Variants in SYNE3 observed in about 807,000 individuals in gnomAD.
SYNE3 encodes spectrin repeat containing nuclear envelope family member 3.
SYNE3 carries 100 observed loss-of-function variants against 111.2 expected under a neutral mutation model. The ratio of observed to expected loss-of-function variants is 0.90; its 90% CI spans 0.77 to 1.06. The LOEUF (loss-of-function observed/expected upper bound fraction) is 1.06, where lower values mean the gene tolerates loss of function less well. Ranked by LOEUF, SYNE3 falls within the 50% of genes least tolerant of loss-of-function variation. SYNE3 has a pLI of 0.00. For missense variants in SYNE3, 1,160 were observed against 1,240.3 expected (o/e 0.94, Z 0.97); for synonymous variants, 547 against 533.9 (o/e 1.02, Z -0.34).
rs1886281361 is a variant in SYNE3, at chr14:95,439,436, C to T, written c.2246+176G>A. On this transcript the variant is annotated intron_variant, in intron 13 of 17. Coordinates refer to ENST00000682763, the MANE Select transcript of SYNE3 (RefSeq NM_152592.6). ...CTAACTCCCAAGACGGGGACATTTC[C>T]TGGCTCCTCCTGCTCCTGCTAGAAT... Among the ~76,000 whole-genome samples, 3 of 152,352 alleles carry T rather than the reference C, an allele frequency of 2.0e-5. No homozygotes were observed. The South Asian group carries it at 6.2e-4, about 32-fold the overall frequency.
chr14:95,419,547 C>A (rs1884955583), intron 17 of SYNE3, among the ~76,000 whole-genome samples: 1 of 152,000 alleles, frequency 6.6e-6, no homozygotes. Context: ...TAGAATATAT[C>A]TGCTGGCTCC....
In SYNE3 at chr14:95,411,886, T is replaced by C. The variant is rs4905298; in HGVS notation, c.*5940A>G. ...ACACGCCAACCCAGATGATCCCCAGTGGGGAAAAGTGGGCTTCTCAGTTTG... is the reference window on the plus strand; with the variant it reads ...ACACGCCAACCCAGATGATCCCCAGCGGGGAAAAGTGGGCTTCTCAGTTTG... On this transcript the variant is annotated 3_prime_UTR_variant, in exon 18 of 18. Transcript: ENST00000682763. 0.32 allele frequency: 48,147 copies of C among 152,294 alleles called. 7,897 individuals are homozygous for C. The highest frequency in any genetic ancestry group is 0.37 in the Non-Finnish European group (25,508 of 68,044). 9.4% of individuals were successfully genotyped at this position (152,294 alleles called of 1,614,324 possible). A position where few individuals can be genotyped will look rare whatever the true frequency, so the allele number is the denominator to read the frequency against.
chr14:95,472,248 G>A (rs746897425), intron 2 of SYNE3, among the ~76,000 whole-genome samples: 15 of 152,244 alleles, frequency 9.9e-5, no homozygotes, highest in Non-Finnish European at 1.8e-4. Flanking sequence ...GGGTGCTCCT[G>A]ACCAAGACGG....
chr14:95,468,011 A>T, intron 2 of SYNE3, 44 bp from the exon 3 acceptor site: 3 of 1,581,012 alleles, frequency 1.9e-6, no homozygotes, highest in Non-Finnish European at 2.6e-6. Context: ...GGCAAAAGGC[A>T]GACAGGCACA....
chr14:95,450,325 T>C (rs1423827188), intron 7 of SYNE3: 3 of 598,598 alleles, frequency 5.0e-6, no homozygotes, highest in East Asian at 5.8e-5. Context: ...GCAGCAGGCC[T>C]GGGGTCTTCC....
chr14:95,514,864 C>A, intron 1 of SYNE3, among the ~76,000 whole-genome samples: 1 of 152,200 alleles, frequency 6.6e-6, no homozygotes, highest in East Asian at 1.9e-4. Context: ...CAAGCCAGGG[C>A]CCCCCGGCAG....
chr14:95,459,383 A>G (rs1887652918), intron 4 of SYNE3, among the ~76,000 whole-genome samples: 1 of 152,094 alleles, frequency 6.6e-6, no homozygotes, highest in Admixed American at 6.5e-5. Flanking sequence ...CAACACGGTC[A>G]GACGTCATTT....
chr14:95,428,022 A>G (rs910784), intron 17 of SYNE3, among the ~76,000 whole-genome samples: 67,195 of 152,104 alleles, frequency 0.44, 16,119 homozygotes, highest in Admixed American at 0.54. Flanking sequence ...GCTAAGAAAG[A>G]AAAGAACAGC....
In SYNE3 at chr14:95,468,791, T is replaced by C. The variant is rs138409838; in HGVS notation, c.145-824A>G. ...TCATCTCATCTTGGTGTCAGCTTCT[T>C]GGAGGACTAAGACCAATGCATGATG... On this transcript the variant is annotated intron_variant, in intron 2 of 17. Transcript: ENST00000682763. Among the ~76,000 whole-genome samples the C allele has an allele frequency of 3.3e-3, 503 of 152,302 alleles. 3 individuals carry two copies. The highest frequency in any genetic ancestry group is 0.011 in the African/African-American group (457 of 41,568).
In SYNE3 at chr14:95,416,952, C is replaced by T. The variant is rs1301197853; in HGVS notation, c.*874G>A. The T allele has an allele frequency of 2.0e-5, 3 of 152,240 alleles. No individual in the cohort carries two copies. The highest frequency in any genetic ancestry group is 2.0e-4 in the Admixed American group (3 of 15,292). 9.4% of individuals were successfully genotyped at this position (152,240 alleles called of 1,614,324 possible). On this transcript the variant is annotated 3_prime_UTR_variant, in exon 18 of 18. Transcript: ENST00000682763. The stretch of plus-strand genomic sequence containing the variant: ...GTGCCTCACCATTCTGCATGGAAAT[C>T]TTAAAAATCAAGCTTGTCTTCTTCC...
chr14:95,445,138 T>C (rs1490267327), intron 9 of SYNE3, among the ~76,000 whole-genome samples: 2 of 152,178 alleles, frequency 1.3e-5, no homozygotes, highest in Non-Finnish European at 2.9e-5. Flanking sequence ...TGTTTGAGGG[T>C]GAAGACCTTG....
At chr14:95,473,489 A>G (rs1888659679) in intron 2 of SYNE3, among the ~76,000 whole-genome samples, 1 of 152,116 alleles carries the variant, frequency 6.6e-6, no homozygotes, top group Non-Finnish European at 1.5e-5. Context: ...ATGCACGGAC[A>G]GGAGGGTTTC....
At chr14:95,472,510 C>T (rs764863272) in intron 2 of SYNE3, among the ~76,000 whole-genome samples, 27 of 152,212 alleles carry the variant, frequency 1.8e-4, no homozygotes, top group Non-Finnish European at 2.9e-4. Flanking sequence ...CCACAAGAAA[C>T]GATCGCCTCC....
rs923215516 is a variant in SYNE3 at position 95,408,689 on chromosome 14, C to T, written c.*9137G>A. The T allele has an allele frequency of 1.3e-4, 30 of 225,140 alleles. No homozygotes were observed. Among genetic ancestry groups the T allele is most frequent in the African/African-American group, 4.9e-4 (22 of 44,518 alleles). The allele number at this position is 225,140 out of a possible 1,614,324, so 13.9% of individuals were successfully genotyped here. ...CTCACACATGCTATGCTCACATACG[C>T]GTGCATCCCTCCCACCCTGCCCACC... is the stretch of plus-strand genomic sequence containing the variant. On this transcript the variant is annotated 3_prime_UTR_variant, in exon 18 of 18. Coordinates refer to ENST00000682763, the MANE Select transcript of SYNE3 (RefSeq NM_152592.6).
chr14:95,495,265 C>T (rs970936217), intron 1 of SYNE3, among the ~76,000 whole-genome samples: 1 of 152,210 alleles, frequency 6.6e-6, no homozygotes, highest in Admixed American at 6.5e-5. Flanking sequence ...CCAGTCTGTC[C>T]TTACAGTCCT....
rs565551853 is a variant in SYNE3, at chr14:95,421,885, C to T, written c.2728-3859G>A. ...AATGCTCATTGCCCTTCTTTCTCCA[C>T]TCCACCTGGTTAGCGCTGACTGATC... On this transcript the variant is annotated intron_variant, in intron 17 of 17. Transcript: ENST00000682763. Among the ~76,000 whole-genome samples the T allele has an allele frequency of 1.4e-4, 21 of 152,360 alleles. No individual in the cohort carries two copies. The Middle Eastern group carries it at 0.014, about 99-fold the overall frequency.
chr14:95,436,895 G>C lies in SYNE3; in HGVS notation c.2463C>G (p.Asn821Lys), dbSNP rs1886114784. 3.7e-6 allele frequency: 6 copies of C among 1,614,084 alleles called. No individual in the cohort carries two copies. Among genetic ancestry groups the C allele is most frequent in the Non-Finnish European group, 5.1e-6 (6 of 1,180,042 alleles). ...TTGCGATGATTCTAACCAGCTTGGA[G>C]TTTTCCACCTGCAACCACTGCCCAA... Reference protein sequence around the residue: ...RNFGQWLQVENSKLVRIIAMR... With the variant: ...RNFGQWLQVEKSKLVRIIAMR... The change falls in exon 15 of 18, where the codon AAC (asparagine) becomes AAG (lysine). Residue 821 changes from asparagine (N) to lysine (K), a missense_variant. Transcript: ENST00000682763.
intron 1 of SYNE3, among the ~76,000 whole-genome samples, chr14:95,478,319 AG>A (rs1566679955): frequency 1.3e-5 from 2 of 152,194 alleles, no homozygotes; most frequent in South Asian, 2.1e-4. Context: ...AAGCTCTCAG[AG>A]GAGCTTCTTT....
At chr14:95,498,434 G>A (rs1473411857) in intron 1 of SYNE3, among the ~76,000 whole-genome samples, 1 of 152,158 alleles carries the variant, frequency 6.6e-6, no homozygotes, top group Non-Finnish European at 1.5e-5. Flanking sequence ...GGCCAGGCTG[G>A]TCTCGAACTC....
Sources: gnomAD v4.1 joint callset for allele counts (sites outside exome capture counted in the v4.1 genomes callset) on GRCh38, gnomAD v4.1.1 for gene constraint, MANE v1.5 for transcripts, NCBI Gene and HGNC (gene_info 2026-07-23, HGNC 2026-07-21) for gene names.